PARD3: variants seen among roughly 807,000 people sequenced by gnomAD.
PARD3 encodes par-3 family cell polarity regulator.
In PARD3, 75 loss-of-function variants were observed where a neutral mutation model predicts 155.4. The ratio of observed to expected loss-of-function variants is 0.48; its 90% confidence interval spans 0.40 to 0.58. The LOEUF is 0.58. Ranked by LOEUF, PARD3 falls within the 20% of genes least tolerant of loss-of-function variation. PARD3 has a pLI of 0.00. For synonymous variants in PARD3, 576 were observed against 610.5 expected (o/e 0.94, Z 0.83); for missense variants, 1,642 against 1,721.7 (o/e 0.95, Z 0.82).
chr10:34,111,655 C>T, intron 24 of PARD3, 93 bp from the exon 25 acceptor site: 1 of 1,032,372 alleles, frequency 9.7e-7, no homozygotes, highest in Non-Finnish European at 1.4e-6. Context: ...TGCATTTTCA[C>T]TTTTCAACAA....
At chr10:34,275,468 A>G (rs1347319514) in intron 21 of PARD3, among the ~76,000 whole-genome samples, 2 of 152,218 alleles carry the variant, frequency 1.3e-5, no homozygotes, top group Admixed American at 6.5e-5. Context: ...AGCACTTTAG[A>G]GTAGACTTTT....
At chr10:34,265,963 C>T (rs1053097048) in intron 22 of PARD3, among the ~76,000 whole-genome samples, 2 of 152,152 alleles carry the variant, frequency 1.3e-5, no homozygotes, top group African/African-American at 4.8e-5. Flanking sequence ...ATGAACCTGC[C>T]ATGGAGCAGC....
At chr10:34,718,588 G>A (rs1590801375) in intron 1 of PARD3, among the ~76,000 whole-genome samples, 1 of 152,088 alleles carries the variant, frequency 6.6e-6, no homozygotes, top group Non-Finnish European at 1.5e-5. Context: ...GAGCCTAGGA[G>A]ACCAAGGATG....
At chr10:34,515,208 G>C (rs2081638422) in intron 3 of PARD3, among the ~76,000 whole-genome samples, 2 of 152,182 alleles carry the variant, frequency 1.3e-5, no homozygotes, top group African/African-American at 4.8e-5. Flanking sequence ...TGTATACGCT[G>C]TATGGTACAT....
chr10:34,429,042 G>A (rs1222150372), intron 5 of PARD3, among the ~76,000 whole-genome samples: 2 of 152,138 alleles, frequency 1.3e-5, no homozygotes, highest in African/African-American at 4.8e-5. Context: ...AGAGTAGAAC[G>A]CTTATAAATT....
At chr10:34,512,550 G>C (rs1218913637) in intron 3 of PARD3, among the ~76,000 whole-genome samples, 1 of 152,134 alleles carries the variant, frequency 6.6e-6, no homozygotes, top group Non-Finnish European at 1.5e-5. Flanking sequence ...ATTTCTCTAA[G>C]AAGCTCTGAT....
At chr10:34,235,323 C>T (rs542936863) in intron 22 of PARD3, among the ~76,000 whole-genome samples, 5 of 152,298 alleles carry the variant, frequency 3.3e-5, no homozygotes, top group African/African-American at 1.2e-4. Flanking sequence ...GATTTGCAGT[C>T]AGCCCAATTC....
At chr10:34,321,432 C>T (rs1958367525) in intron 19 of PARD3, among the ~76,000 whole-genome samples, 1 of 151,950 alleles carries the variant, frequency 6.6e-6, no homozygotes, top group South Asian at 2.1e-4. Context: ...ATTTGCTTTC[C>T]TTTTGCAGAT....
rs1837327526 is a variant in PARD3 at position 34,345,579 on chromosome 10, T to C, written c.2218+2386A>G. The C allele has an allele frequency of 4.1e-6, 4 of 984,970 alleles. No homozygotes were observed. In the South Asian group the frequency reaches 1.9e-4, roughly 46 times the overall value. 61.0% of individuals were successfully genotyped at this position (984,970 alleles called of 1,614,324 possible). A position where few individuals can be genotyped will look rare whatever the true frequency, so the allele number is the denominator to read the frequency against. On this transcript the variant is annotated intron_variant, in intron 15 of 24. Coordinates refer to ENST00000374788, the MANE Select transcript of PARD3 (RefSeq NM_001184785.2). The stretch of plus-strand genomic sequence containing the variant: ...GGAATATCTATGCGCCTAGATACTG[T>C]GCAAATCAATAAACACTGTTGTTAT...
At chr10:34,129,590 C>T (rs1947478079) in intron 23 of PARD3, among the ~76,000 whole-genome samples, 5 of 152,026 alleles carry the variant, frequency 3.3e-5, no homozygotes, top group Admixed American at 2.0e-4. Flanking sequence ...AAGGCTCTTC[C>T]TACATTTCTA....
chr10:34,688,050 GT>G (rs2093982260), intron 2 of PARD3, among the ~76,000 whole-genome samples: 1 of 151,596 alleles, frequency 6.6e-6, no homozygotes, highest in African/African-American at 2.4e-5. Flanking sequence ...AAACAGTCTC[GT>G]TAGGTTGCCC....
rs554312530 is a variant in PARD3 at position 34,220,566 on chromosome 10, G to A, written c.3419+49091C>T. Among the ~76,000 whole-genome samples the A allele has an allele frequency of 2.0e-5, 3 of 152,202 alleles. No homozygotes were observed. The East Asian group carries it at 5.8e-4, about 29-fold the overall frequency. On this transcript the variant is annotated intron_variant, in intron 22 of 24. Transcript: ENST00000374788. ...TTTTCCTTCAGCCCTCTGAATAGGG[G>A]GTGATTGACAAAGCTCTGAAACCAC...
intron 2 of PARD3, among the ~76,000 whole-genome samples, chr10:34,660,844 G>T (rs1255012372): frequency 6.6e-6 from 1 of 151,990 alleles, no homozygotes; most frequent in Non-Finnish European, 1.5e-5. Context: ...TTTCCAGACT[G>T]GAAAATTATT....
chr10:34,673,418 C>T (rs1351478186), intron 2 of PARD3, among the ~76,000 whole-genome samples: 1 of 152,098 alleles, frequency 6.6e-6, no homozygotes, highest in Non-Finnish European at 1.5e-5. Flanking sequence ...AAGCTATCCT[C>T]GAAAATATGA....
intron 14 of PARD3, among the ~76,000 whole-genome samples, chr10:34,352,471 G>A (rs930708856): frequency 1.3e-5 from 2 of 152,160 alleles, no homozygotes; most frequent in African/African-American, 4.8e-5. Context: ...TCAGCCTGCA[G>A]AGTGCCTGGG....
chr10:34,494,455 T>C (rs1213366159), intron 3 of PARD3, among the ~76,000 whole-genome samples: 2 of 152,066 alleles, frequency 1.3e-5, no homozygotes, highest in East Asian at 3.9e-4. Flanking sequence ...AGCATGGAGG[T>C]AGAAGGAAGA....
At chr10:34,540,540 T>C (rs1280505108) in intron 2 of PARD3, among the ~76,000 whole-genome samples, 2 of 152,178 alleles carry the variant, frequency 1.3e-5, no homozygotes, top group African/African-American at 4.8e-5. Flanking sequence ...GCTCAGCAGA[T>C]GGCTTGGGCC....
intron 22 of PARD3, among the ~76,000 whole-genome samples, chr10:34,265,833 A>G (rs1274914925): frequency 6.6e-6 from 1 of 152,210 alleles, no homozygotes; most frequent in African/African-American, 2.4e-5. Flanking sequence ...TCGTGCACAC[A>G]TGATGCCCCT....
chr10:34,348,066 G>C lies in PARD3; in HGVS notation c.2117C>G (p.Ala706Gly), dbSNP rs768317108. ...PPGPELPIET[A>G]LDDRERRISH... ...AATTCTTCGTTCTCTATCATCCAAC[G>C]CTGTTTCAATGGGCAGCTCAGGTCC... The change falls in exon 15 of 25, where the codon GCG becomes GGG. Residue 706 changes from alanine to glycine, a missense_variant. Ala to Gly is a moderately conservative substitution (Grantham distance 60). Around this residue, in one of 3 missense-constraint regions of PARD3, gnomAD observed 1,529 missense variants for 1,587.3 expected, o/e 0.96. Transcript: ENST00000374788. The C allele has an allele frequency of 6.2e-7, 1 of 1,612,558 alleles. No individual in the cohort carries two copies. Among genetic ancestry groups the C allele is most frequent in the African/African-American group, 1.3e-5 (1 of 74,838 alleles).
Sources: gnomAD v4.1 joint callset for allele counts (sites outside exome capture counted in the v4.1 genomes callset) on GRCh38, gnomAD v4.1.1 for gene constraint, gnomAD v4.1.1 regional missense constraint, MANE v1.5 for transcripts, NCBI Gene and HGNC (gene_info 2026-07-23, HGNC 2026-07-21) for gene names.